Variants in ROBO1 observed in about 807,000 individuals in gnomAD.
ROBO1 encodes the protein roundabout guidance receptor 1, also known as roundabout homolog 1.
A neutral mutation model predicts 195.9 loss-of-function variants in ROBO1; 149 were observed. The observed-to-expected ratio is 0.76, with a 90% CI of 0.67 to 0.87. The LOEUF (loss-of-function observed/expected upper bound fraction) is 0.87, where lower values mean the gene tolerates loss of function less well. ROBO1 is among the 40% of genes least tolerant of loss of function. The pLI is 0.00. For synonymous variants in ROBO1, 816 were observed against 733.2 expected, an observed-to-expected ratio of 1.11 and a Z score of -1.82; for missense variants, 1,933 against 2,068.3, an observed-to-expected ratio of 0.93 and a Z score of 1.27.
At chr3:79,378,154 A>ACTCTCTCT (rs3057946) in intron 2 of ROBO1, among the ~76,000 whole-genome samples, 193 of 146,754 alleles carry the variant, frequency 1.3e-3, no homozygotes, top group African/African-American at 3.4e-3. Context: ...TCTTATGGTC[A>ACTCTCTCT]CTCTCTCTCT....
At chr3:79,118,488 T>G (rs940849113) in intron 3 of ROBO1, among the ~76,000 whole-genome samples, 35 of 152,308 alleles carry the variant, frequency 2.3e-4, no homozygotes, top group African/African-American at 7.5e-4. Context: ...GCATACCTAA[T>G]GAACACCTGT....
At chr3:78,662,142 G>C in intron 14 of ROBO1, 28 bp from the exon 15 acceptor site, 1 of 1,549,014 alleles carries the variant, frequency 6.5e-7, no homozygotes, top group Non-Finnish European at 8.7e-7. Flanking sequence ...AACTGTGTCA[G>C]GGTCTGCACA....
In ROBO1 at chr3:78,668,216, T is replaced by C; in HGVS notation, c.1717A>G (p.Ser573Gly). 1 of 1,613,568 alleles carries C rather than the reference T, an allele frequency of 6.2e-7. No homozygotes were observed. The highest frequency in any genetic ancestry group is 8.5e-7 in the Non-Finnish European group (1 of 1,179,500). Residue 573 changes from serine to glycine, a missense_variant, in exon 13 of 31, where the codon AGC (serine) becomes GGC (glycine). By Grantham distance (56) the Ser-to-Gly change is moderately conservative. Transcript: ENST00000464233. Reference protein sequence around the residue: ...APSKPEVTDVSRNTVTLSWQP... With the variant: ...APSKPEVTDVGRNTVTLSWQP... ...CACGATAATGTGACTGTATTTCTGC[T>C]GACATCTGTCACTTCAGGTTTTGAT...
intron 3 of ROBO1, among the ~76,000 whole-genome samples, chr3:79,059,463 A>C (rs1485930870): frequency 2.6e-5 from 4 of 152,048 alleles, no homozygotes; most frequent in Admixed American, 6.6e-5. Context: ...AATCAAGAGA[A>C]TGAACAAGCC....
chr3:79,133,984 C>A (rs1375988428), intron 2 of ROBO1, among the ~76,000 whole-genome samples: 1 of 151,818 alleles, frequency 6.6e-6, no homozygotes, highest in Non-Finnish European at 1.5e-5. Context: ...TGGGCAAGGA[C>A]TTCATGTCCA....
At chr3:78,773,620 T>A (rs1301532287) in intron 4 of ROBO1, among the ~76,000 whole-genome samples, 2 of 152,166 alleles carry the variant, frequency 1.3e-5, no homozygotes. Context: ...CATAATTTTT[T>A]ATTGATGTAT....
At chr3:78,869,226 T>C (rs1042903734) in intron 4 of ROBO1, among the ~76,000 whole-genome samples, 2 of 152,166 alleles carry the variant, frequency 1.3e-5, no homozygotes, top group African/African-American at 4.8e-5. Context: ...TTCATCTGCC[T>C]CTTTAACTGA....
In ROBO1 at chr3:79,034,470, G is replaced by T. The variant is rs573238448; in HGVS notation, c.172+90986C>A. On this transcript the variant is annotated intron_variant, in intron 3 of 30. Transcript: ENST00000464233. ...CGAAGGAGGGAAACCATTTGTATTA[G>T]AATTATAAAGTGATCATGCCCTTTG... is the stretch of plus-strand genomic sequence containing the variant. Among the ~76,000 whole-genome samples the T allele has an allele frequency of 2.3e-3, 355 of 152,122 alleles. 4 individuals are homozygous for T. Among genetic ancestry groups the T allele is most frequent in the Non-Finnish European group, 4.1e-3 (282 of 67,980 alleles).
intron 1 of ROBO1, among the ~76,000 whole-genome samples, chr3:79,728,147 C>A (rs75263081): frequency 0.3 from 44,789 of 148,840 alleles, 6,679 homozygotes; most frequent in East Asian, 0.34. Flanking sequence ...CCCCCCCCCA[C>A]AGGAAATTTT....
intron 2 of ROBO1, among the ~76,000 whole-genome samples, chr3:79,248,374 C>CAAACA (rs2082662491): frequency 2.8e-5 from 1 of 36,208 alleles, no homozygotes. Context: ...GAAGACAGAC[C>CAAACA]AAAAAAAAAA....
chr3:79,584,654 C>T (rs1943769750), intron 2 of ROBO1, among the ~76,000 whole-genome samples: 1 of 146,168 alleles, frequency 6.8e-6, no homozygotes, highest in Non-Finnish European at 1.5e-5. Context: ...CATACACACA[C>T]ACACACATAC....
At position 78,661,856 on chromosome 3, in the gene ROBO1, CT is replaced by C; in HGVS notation, c.2088+136del. The stretch of plus-strand genomic sequence containing the variant: ...TTTTCTGTTTAAACCAAACTAATAG[CT>C]ACTGTAATAAACAGTGCTTACACTA... On this transcript the variant is annotated intron_variant, in intron 15 of 30. Transcript: ENST00000464233. 6 of 1,017,858 alleles carry C rather than the reference CT, an allele frequency of 5.9e-6. No individual in the cohort carries two copies. In the South Asian group the frequency reaches 1.1e-4, roughly 19 times the overall value. 63.1% of individuals were successfully genotyped at this position (1,017,858 alleles called of 1,614,324 possible).
At chr3:79,381,925 T>C (rs2036588513) in intron 2 of ROBO1, among the ~76,000 whole-genome samples, 1 of 152,184 alleles carries the variant, frequency 6.6e-6, no homozygotes, top group African/African-American at 2.4e-5. Flanking sequence ...TGACTCCCTA[T>C]ATCCCTACAA....
chr3:79,228,148 A>G (rs2082259539), intron 2 of ROBO1, among the ~76,000 whole-genome samples: 1 of 152,164 alleles, frequency 6.6e-6, no homozygotes, highest in Non-Finnish European at 1.5e-5. Context: ...CTCTTAAAAA[A>G]TGTTGTTGTA....
intron 3 of ROBO1, among the ~76,000 whole-genome samples, chr3:79,123,900 CT>C (rs1425210948): frequency 6.6e-6 from 1 of 151,950 alleles, no homozygotes; most frequent in South Asian, 2.1e-4. Context: ...TATTTAAATT[CT>C]CTTAATTCAA....
intron 3 of ROBO1, among the ~76,000 whole-genome samples, chr3:79,030,692 T>C (rs1248129327): frequency 6.6e-6 from 1 of 152,196 alleles, no homozygotes; most frequent in African/African-American, 2.4e-5. Context: ...TCTAGAGCTT[T>C]ATATAAAGAG....
intron 8 of ROBO1, among the ~76,000 whole-genome samples, chr3:78,712,325 T>C (rs1297459673): frequency 1.3e-5 from 2 of 152,162 alleles, no homozygotes; most frequent in Non-Finnish European, 2.9e-5. Context: ...ACAATACAAT[T>C]ACACTACTGA....
In ROBO1 at chr3:79,180,055, C is replaced by A. The variant is rs148159985; in HGVS notation, c.89-54516G>T. On this transcript the variant is annotated intron_variant, in intron 2 of 30. Coordinates refer to ENST00000464233, the MANE Select transcript of ROBO1 (RefSeq NM_002941.4). Reference sequence around the variant, plus strand: ...AATAGTATCTTCTAATCTCAATTTACCCACTGCCTTGAGTCGTGACTTCTA... The same window carrying A: ...AATAGTATCTTCTAATCTCAATTTAACCACTGCCTTGAGTCGTGACTTCTA... 2.1e-3 allele frequency among the ~76,000 whole-genome samples: 315 copies of A among 152,252 alleles called. 4 individuals are homozygous for A. Among genetic ancestry groups the A allele is most frequent in the African/African-American group, 6.5e-3 (272 of 41,542 alleles).
intron 2 of ROBO1, among the ~76,000 whole-genome samples, chr3:79,514,255 G>C (rs1466957643): frequency 6.6e-6 from 1 of 152,138 alleles, no homozygotes; most frequent in Non-Finnish European, 1.5e-5. Flanking sequence ...ACTTTTATTT[G>C]GGGCCTCAAT....
Sources: allele counts gnomAD v4.1 joint callset (sites outside exome capture counted in the v4.1 genomes callset), GRCh38; gene constraint gnomAD v4.1.1; transcripts MANE v1.5; gene names NCBI Gene and HGNC (gene_info 2026-07-23, HGNC 2026-07-21).